The following XKR9 variants were observed in gnomAD, a reference collection of about 807,000 sequenced individuals.
XKR9 encodes the protein XK related 9.
A neutral mutation model predicts 32.0 loss-of-function variants in XKR9; 32 were observed. The observed-to-expected ratio is 1.00, with a 90% confidence interval of 0.76 to 1.34. The LOEUF is 1.34. XKR9 is among the 40% of genes most tolerant of loss of function. The pLI is 0.00. For synonymous variants in XKR9, 168 were observed against 143.4 expected (o/e 1.17, Z -1.22); for missense variants, 546 against 429.7 (o/e 1.27, Z -2.39).
At chr8:71,015,096 G>T in the XKR9 span, among the ~76,000 whole-genome samples, 2 of 152,174 alleles carry the variant, frequency 1.3e-5, no homozygotes, top group Non-Finnish European at 2.9e-5. Flanking sequence ...TTGCAAAGTG[G>T]TTCGTTTTGT....
chr8:70,880,783 T>C, the XKR9 span, among the ~76,000 whole-genome samples: 2 of 152,188 alleles, frequency 1.3e-5, no homozygotes, highest in African/African-American at 2.4e-5. Context: ...TTAAAGTTCA[T>C]ATGGAACCAA....
the XKR9 span, among the ~76,000 whole-genome samples, chr8:70,937,932 T>A: frequency 6.6e-6 from 1 of 152,062 alleles, no homozygotes; most frequent in Non-Finnish European, 1.5e-5. Context: ...TTAGAACATA[T>A]ATACTGAATT....
the XKR9 span, among the ~76,000 whole-genome samples, chr8:70,806,655 A>G: frequency 6.6e-6 from 1 of 152,222 alleles, no homozygotes; most frequent in Non-Finnish European, 1.5e-5. Flanking sequence ...ACTGAGCAGA[A>G]GAAAGGATAT....
the XKR9 span, among the ~76,000 whole-genome samples, chr8:70,889,323 A>G: frequency 7.3e-3 from 1,104 of 151,034 alleles, 7 homozygotes; most frequent in Non-Finnish European, 0.012. Flanking sequence ...AATTTACTCA[A>G]TTTGTCAGTT....
the XKR9 span, among the ~76,000 whole-genome samples, chr8:70,895,821 C>CAAAAAAA: frequency 1.6e-5 from 1 of 63,800 alleles, no homozygotes. Context: ...CCTACCTCTA[C>CAAAAAAA]AAAAAAAAAA....
the XKR9 span, among the ~76,000 whole-genome samples, chr8:70,822,154 A>G: frequency 1.1e-4 from 16 of 152,328 alleles, no homozygotes; most frequent in South Asian, 8.3e-4. Flanking sequence ...CCATTACTCA[A>G]TTGTAAAGGA....
the XKR9 span, among the ~76,000 whole-genome samples, chr8:70,860,377 C>A: frequency 7.9e-5 from 12 of 152,036 alleles, no homozygotes; most frequent in South Asian, 2.1e-4. Context: ...GAACACAGCC[C>A]TCAGCAAAAC....
chr8:70,720,248 A>G (rs1165781468), intron 4 of XKR9, among the ~76,000 whole-genome samples: 1 of 152,076 alleles, frequency 6.6e-6, no homozygotes, highest in Non-Finnish European at 1.5e-5. Flanking sequence ...CTGCAAACAG[A>G]GACAATTTGA....
intron 2 of XKR9, among the ~76,000 whole-genome samples, chr8:70,770,512 C>T (rs1183582933): frequency 6.6e-6 from 1 of 152,232 alleles, no homozygotes; most frequent in African/African-American, 2.4e-5. Context: ...GCTGCACCCA[C>T]AGCCGCATCT....
chr8:70,827,250 G>T, the XKR9 span, among the ~76,000 whole-genome samples: 3 of 152,198 alleles, frequency 2.0e-5, no homozygotes, highest in East Asian at 5.8e-4. Flanking sequence ...CATGTGATTT[G>T]TGTTGTTTAT....
At chr8:71,046,463 C>G in the XKR9 span, among the ~76,000 whole-genome samples, 1 of 152,198 alleles carries the variant, frequency 6.6e-6, no homozygotes, top group Non-Finnish European at 1.5e-5. Context: ...ACTTAATCTG[C>G]TTTCAGAGTG....
chr8:70,998,479 A>G, the XKR9 span, among the ~76,000 whole-genome samples: 1 of 152,112 alleles, frequency 6.6e-6, no homozygotes, highest in African/African-American at 2.4e-5. Context: ...TGAAATGGAA[A>G]ATGTGTACTT....
the XKR9 span, among the ~76,000 whole-genome samples, chr8:70,797,210 C>T: frequency 5.9e-5 from 9 of 151,802 alleles, no homozygotes; most frequent in Non-Finnish European, 1.2e-4. Flanking sequence ...GAGGGGTGTG[C>T]GCACACACAC....
At chr8:70,801,015 C>T in the XKR9 span, among the ~76,000 whole-genome samples, 49 of 126,080 alleles carry the variant, frequency 3.9e-4, no homozygotes, top group Admixed American at 6.6e-4. Flanking sequence ...CTCTGGTGTT[C>T]GTAGTAATAT....
chr8:70,838,870 T>G, the XKR9 span, among the ~76,000 whole-genome samples: 3 of 151,992 alleles, frequency 2.0e-5, no homozygotes, highest in African/African-American at 7.3e-5. Flanking sequence ...TTGCTCTTTA[T>G]GAGACATTTT....
At chr8:70,887,368 C>G in the XKR9 span, among the ~76,000 whole-genome samples, 1 of 151,894 alleles carries the variant, frequency 6.6e-6, no homozygotes, top group Non-Finnish European at 1.5e-5. Context: ...ATGCCTCCAG[C>G]TTTGTTCTTT....
At chr8:71,005,047 G>T in the XKR9 span, among the ~76,000 whole-genome samples, 1 of 67,194 alleles carries the variant, frequency 1.5e-5, no homozygotes, top group Non-Finnish European at 2.8e-5. Flanking sequence ...GTCTTGCTAT[G>T]TTGCCCAGGC....
the XKR9 span, among the ~76,000 whole-genome samples, chr8:70,864,288 T>C: frequency 7.2e-5 from 11 of 152,336 alleles, no homozygotes; most frequent in East Asian, 2.1e-3. Context: ...CTTTAGTTCT[T>C]CAATACTGGG....
chr8:70,796,585 G>T, the XKR9 span, among the ~76,000 whole-genome samples: 1 of 151,828 alleles, frequency 6.6e-6, no homozygotes, highest in East Asian at 1.9e-4. Flanking sequence ...GTTTTTTATA[G>T]TTAGATTATT....
Sources: allele counts gnomAD v4.1 joint callset (sites outside exome capture counted in the v4.1 genomes callset), GRCh38; gene constraint gnomAD v4.1.1; transcripts MANE v1.5; gene names NCBI Gene and HGNC (gene_info 2026-07-23, HGNC 2026-07-21).